Variants in SUCLG2 observed in about 807,000 individuals in gnomAD.
SUCLG2 encodes the protein succinate--CoA ligase [GDP-forming] subunit beta, mitochondrial.
SUCLG2 carries 42 observed loss-of-function variants against 47.9 expected under a neutral mutation model. The observed-to-expected ratio is 0.88, with a 90% CI of 0.69 to 1.14. The LOEUF (loss-of-function observed/expected upper bound fraction) is 1.14, where lower values mean the gene tolerates loss of function less well. Ranked by LOEUF, SUCLG2 falls within the 50% of genes most tolerant of loss-of-function variation. The probability of loss-of-function intolerance (pLI) is 0.00; values close to 1 mark genes in which losing one functional copy is unlikely to be tolerated. For synonymous variants in SUCLG2, 195 were observed against 197.3 expected, an observed-to-expected ratio of 0.99 and a Z score of 0.10; for missense variants, 571 against 525.9, an observed-to-expected ratio of 1.09 and a Z score of -0.84.
chr3:67,372,794 C>T (rs565519967), downstream of SUCLG2, among the ~76,000 whole-genome samples: 8 of 152,230 alleles, frequency 5.3e-5, no homozygotes, highest in Non-Finnish European at 8.8e-5. Flanking sequence ...AACAATACTC[C>T]GTTGCTGTCA....
chr3:67,610,642 A>G (rs968398804), intron 1 of SUCLG2, among the ~76,000 whole-genome samples: 8 of 152,174 alleles, frequency 5.3e-5, no homozygotes, highest in Admixed American at 1.3e-4. Flanking sequence ...AAAAAAATCA[A>G]TCACACAACT....
downstream of SUCLG2, among the ~76,000 whole-genome samples, chr3:67,372,685 C>T (rs1395583876): frequency 6.6e-6 from 1 of 152,190 alleles, no homozygotes; most frequent in Middle Eastern, 3.2e-3. Context: ...CTTTTTGTAG[C>T]TCTCACAGGG....
At chr3:67,508,186 G>A (rs564020967) in intron 7 of SUCLG2, among the ~76,000 whole-genome samples, 84 of 152,236 alleles carry the variant, frequency 5.5e-4, no homozygotes, top group African/African-American at 1.9e-3. Flanking sequence ...AACTGGGGGG[G>A]ACTTGGGGCT....
At chr3:67,474,012 C>T (rs1226831943) in intron 9 of SUCLG2, among the ~76,000 whole-genome samples, 1 of 152,126 alleles carries the variant, frequency 6.6e-6, no homozygotes, top group Non-Finnish European at 1.5e-5. Context: ...AATCCCAGCA[C>T]TTTGGGAGGC....
chr3:67,456,764 C>G (rs1704196367), intron 9 of SUCLG2, among the ~76,000 whole-genome samples: 1 of 152,072 alleles, frequency 6.6e-6, no homozygotes, highest in Non-Finnish European at 1.5e-5. Context: ...AGCAAAACAG[C>G]TAAACTTGAA....
chr3:67,441,132 A>T (rs1430821101), intron 9 of SUCLG2, among the ~76,000 whole-genome samples: 1 of 151,970 alleles, frequency 6.6e-6, no homozygotes, highest in Non-Finnish European at 1.5e-5. Context: ...AGGAACAGAA[A>T]ACTAAACACT....
intron 2 of SUCLG2, among the ~76,000 whole-genome samples, chr3:67,560,099 T>C (rs1375719069): frequency 1.3e-5 from 2 of 152,146 alleles, no homozygotes; most frequent in Non-Finnish European, 2.9e-5. Context: ...TCTAAGTCCA[T>C]GTTAGGAGTT....
At chr3:67,436,951 C>A (rs993116022) in intron 9 of SUCLG2, among the ~76,000 whole-genome samples, 3 of 151,328 alleles carry the variant, frequency 2.0e-5, no homozygotes, top group African/African-American at 7.3e-5. Flanking sequence ...TATTGTTTTC[C>A]TTTTAAATAT....
chr3:67,369,450 T>C (rs1409260364), intron 10 of SUCLG2, among the ~76,000 whole-genome samples: 1 of 152,200 alleles, frequency 6.6e-6, no homozygotes, highest in African/African-American at 2.4e-5. Context: ...TATTGTGTGC[T>C]AATTCTCTCT....
rs370894892 is a variant in SUCLG2, at chr3:67,495,946, A to G, written c.920-6T>C. The G allele has an allele frequency of 1.2e-6, 2 of 1,613,858 alleles. No individual in the cohort carries two copies. The highest frequency in any genetic ancestry group is 8.5e-7 in the Non-Finnish European group (1 of 1,179,860). ...GGCGAGCCCAGCACCATTCACTGTG[A>G]AATGCAAATGGGACACAAGACAGGC... On this transcript the variant is annotated splice_region_variant and splice_polypyrimidine_tract_variant and intron_variant, in intron 8 of 10. Transcript: ENST00000307227.
chr3:67,523,004 G>C (rs936697004), intron 4 of SUCLG2, among the ~76,000 whole-genome samples: 3 of 151,950 alleles, frequency 2.0e-5, no homozygotes, highest in African/African-American at 7.3e-5. Context: ...GTTTCACCAT[G>C]GTCTCAATCT....
At chr3:67,412,666 A>G (rs1038105656) in intron 9 of SUCLG2, among the ~76,000 whole-genome samples, 4 of 152,058 alleles carry the variant, frequency 2.6e-5, no homozygotes, top group African/African-American at 9.7e-5. Context: ...CATCTCAAAA[A>G]AGTCTTCATT....
chr3:67,404,930 A>C (rs1702767665), intron 9 of SUCLG2, among the ~76,000 whole-genome samples: 2 of 151,768 alleles, frequency 1.3e-5, no homozygotes, highest in Admixed American at 6.6e-5. Context: ...ACCAACAGCA[A>C]CTTTTAATTA....
intron 2 of SUCLG2, among the ~76,000 whole-genome samples, chr3:67,568,598 A>G (rs1036554919): frequency 6.6e-6 from 1 of 152,198 alleles, no homozygotes; most frequent in African/African-American, 2.4e-5. Flanking sequence ...TTTAAAAAAT[A>G]AAGAGTGAGC....
At chr3:67,405,835 T>C (rs1165441855) in intron 9 of SUCLG2, among the ~76,000 whole-genome samples, 1 of 152,178 alleles carries the variant, frequency 6.6e-6, no homozygotes, top group East Asian at 1.9e-4. Flanking sequence ...TACTAAAGCA[T>C]TTAGCAGGTT....
chr3:67,546,398 T>C (rs1379204053), intron 2 of SUCLG2, among the ~76,000 whole-genome samples: 3 of 152,202 alleles, frequency 2.0e-5, no homozygotes, highest in Non-Finnish European at 4.4e-5. Flanking sequence ...TACAGGAGGA[T>C]ACCCTTTGAA....
intron 1 of SUCLG2, among the ~76,000 whole-genome samples, chr3:67,622,471 G>C (rs575760655): frequency 6.6e-6 from 1 of 152,116 alleles, no homozygotes; most frequent in African/African-American, 2.4e-5. Context: ...TATACTTTAC[G>C]TCTTTTATTT....
intron 2 of SUCLG2, among the ~76,000 whole-genome samples, chr3:67,599,733 A>C (rs973112206): frequency 1.3e-5 from 2 of 151,640 alleles, no homozygotes; most frequent in African/African-American, 2.4e-5. Context: ...AAAAAAAAAA[A>C]ACTCTAATAC....
At chr3:67,408,641 C>G in intron 9 of SUCLG2, 1 of 1,061,172 alleles carries the variant, frequency 9.4e-7, no homozygotes, top group Non-Finnish European at 1.1e-6. Context: ...TGTCCTTATT[C>G]TGTCTATTCT....
Sources: gnomAD v4.1 joint callset for allele counts (sites outside exome capture counted in the v4.1 genomes callset) on GRCh38, gnomAD v4.1.1 for gene constraint, MANE v1.5 for transcripts, NCBI Gene and HGNC (gene_info 2026-07-23, HGNC 2026-07-21) for gene names.